The following HS3ST2 variants were observed in gnomAD, a reference collection of about 807,000 sequenced individuals.
The protein encoded by HS3ST2 is heparan sulfate glucosamine 3-O-sulfotransferase 2.
HS3ST2 carries 17 observed loss-of-function variants against 26.3 expected under a neutral mutation model. That is an observed-to-expected ratio of 0.65 (90% CI 0.44 to 0.97). HS3ST2 has a LOEUF of 0.97. Ranked by LOEUF, HS3ST2 falls within the 50% of genes least tolerant of loss-of-function variation. HS3ST2 has a pLI of 0.00. For missense variants in HS3ST2, 402 were observed against 501.2 expected (o/e 0.80, Z 1.89); for synonymous variants, 237 against 219.2 (o/e 1.08, Z -0.72).
intron 1 of HS3ST2, among the ~76,000 whole-genome samples, chr16:22,825,728 C>G (rs1901074650): frequency 6.6e-6 from 1 of 152,096 alleles, no homozygotes; most frequent in African/African-American, 2.4e-5. Context: ...AGTCGAATCA[C>G]AAAATAAAGT....
intron 1 of HS3ST2, among the ~76,000 whole-genome samples, chr16:22,855,403 G>C (rs1167799963): frequency 6.6e-6 from 1 of 152,152 alleles, no homozygotes; most frequent in Non-Finnish European, 1.5e-5. Flanking sequence ...ATTTGACAAG[G>C]TCACCATGGC....
intron 1 of HS3ST2, among the ~76,000 whole-genome samples, chr16:22,882,218 C>T (rs1901998128): frequency 6.6e-6 from 1 of 152,004 alleles, no homozygotes; most frequent in Non-Finnish European, 1.5e-5. Flanking sequence ...AAAAATTGGC[C>T]AGGCATGGCG....
intron 1 of HS3ST2, among the ~76,000 whole-genome samples, chr16:22,877,035 G>T (rs1215616632): frequency 6.6e-6 from 1 of 152,198 alleles, no homozygotes; most frequent in East Asian, 1.9e-4. Context: ...AGTGTACACT[G>T]CTTGGGTGAC....
intron 1 of HS3ST2, among the ~76,000 whole-genome samples, chr16:22,865,970 T>C (rs1005589440): frequency 6.6e-6 from 1 of 152,170 alleles, no homozygotes; most frequent in Non-Finnish European, 1.5e-5. Flanking sequence ...TAGGCATTGA[T>C]GGAAGTCAAT....
At chr16:22,892,840 T>C (rs1312212391) in intron 1 of HS3ST2, among the ~76,000 whole-genome samples, 1 of 152,214 alleles carries the variant, frequency 6.6e-6, no homozygotes, top group Non-Finnish European at 1.5e-5. Flanking sequence ...ATGCGTTGGC[T>C]CTTTTCATTA....
At chr16:22,852,608 C>T (rs996869717) in intron 1 of HS3ST2, among the ~76,000 whole-genome samples, 1 of 152,146 alleles carries the variant, frequency 6.6e-6, no homozygotes, top group Non-Finnish European at 1.5e-5. Context: ...CTTTTGAAGC[C>T]CTTAATGACT....
intron 1 of HS3ST2, among the ~76,000 whole-genome samples, chr16:22,869,491 A>G (rs1901802094): frequency 6.6e-6 from 1 of 152,182 alleles, no homozygotes; most frequent in Non-Finnish European, 1.5e-5. Flanking sequence ...GTAATTTACA[A>G]ACGAAAGAGG....
chr16:22,844,410 G>C (rs527816299), intron 1 of HS3ST2, among the ~76,000 whole-genome samples: 1 of 152,162 alleles, frequency 6.6e-6, no homozygotes, highest in African/African-American at 2.4e-5. Flanking sequence ...CCTTCCCCAG[G>C]GTGGCAACCT....
chr16:22,844,096 G>A (rs1160792848), intron 1 of HS3ST2, among the ~76,000 whole-genome samples: 1 of 151,950 alleles, frequency 6.6e-6, no homozygotes, highest in Non-Finnish European at 1.5e-5. Flanking sequence ...GATGAATCAT[G>A]TCCTGGCATG....
At chr16:22,829,377 A>G (rs1901136485) in intron 1 of HS3ST2, among the ~76,000 whole-genome samples, 1 of 152,218 alleles carries the variant, frequency 6.6e-6, no homozygotes, top group Non-Finnish European at 1.5e-5. Flanking sequence ...ATTTGGTCCC[A>G]TTTAGGTAGG....
chr16:22,828,161 G>A lies in HS3ST2; in HGVS notation c.485+13066G>A, dbSNP rs542280897. Among the ~76,000 whole-genome samples, 14 of 152,244 alleles carry A rather than the reference G, an allele frequency of 9.2e-5. No individual in the cohort carries two copies. In the East Asian group the frequency reaches 1.3e-3, roughly 15 times the overall value. ...AACTAACCAAAGAAAAGAACATTAC[G>A]TTCTACTGTAGCTTGGAGTCTTCAC... On this transcript the variant is annotated intron_variant, in intron 1 of 1. Transcript: ENST00000261374.
At chr16:22,903,343 C>A (rs917433375) in intron 1 of HS3ST2, among the ~76,000 whole-genome samples, 3 of 152,294 alleles carry the variant, frequency 2.0e-5, no homozygotes, top group Middle Eastern at 3.4e-3. Context: ...CAGCAAGTGG[C>A]CCACAGTCAC....
intron 1 of HS3ST2, among the ~76,000 whole-genome samples, chr16:22,842,435 A>C (rs1276837767): frequency 6.6e-6 from 1 of 152,176 alleles, no homozygotes; most frequent in Admixed American, 6.5e-5. Context: ...TCAAGAATAC[A>C]ATGTATTGTT....
At chr16:22,832,169 T>TTTTTTTTTTTA (rs1901180021) in intron 1 of HS3ST2, among the ~76,000 whole-genome samples, 3 of 147,708 alleles carry the variant, frequency 2.0e-5, no homozygotes, top group African/African-American at 2.5e-5. Context: ...TTTTTTTTTT[T>TTTTTTTTTTTA]AATTTTTAGT....
intron 1 of HS3ST2, among the ~76,000 whole-genome samples, chr16:22,874,123 G>A (rs1901876873): frequency 6.6e-6 from 1 of 152,174 alleles, no homozygotes; most frequent in South Asian, 2.1e-4. Flanking sequence ...GGTTAATACA[G>A]GAAGGGGACT....
At chr16:22,850,616 G>A (rs1420946625) in intron 1 of HS3ST2, among the ~76,000 whole-genome samples, 9 of 152,058 alleles carry the variant, frequency 5.9e-5, no homozygotes, top group East Asian at 1.9e-4. Flanking sequence ...GTGAAACCCC[G>A]TCTCTACTAA....
intron 1 of HS3ST2, among the ~76,000 whole-genome samples, chr16:22,888,553 A>AT (rs1357608245): frequency 1.3e-5 from 2 of 151,448 alleles, no homozygotes; most frequent in African/African-American, 4.9e-5. Flanking sequence ...CACCTGGTTA[A>AT]TTTTTTGTAT....
chr16:22,899,094 G>A (rs913068760), intron 1 of HS3ST2, among the ~76,000 whole-genome samples: 1 of 152,208 alleles, frequency 6.6e-6, no homozygotes, highest in African/African-American at 2.4e-5. Context: ...GAAGTGTGAA[G>A]TTGTAAAGCT....
At position 22,891,365 on chromosome 16, in the gene HS3ST2, C is replaced by T. The variant is rs547394085; in HGVS notation, c.486-23579C>T. 5.9e-5 allele frequency among the ~76,000 whole-genome samples: 9 copies of T among 152,202 alleles called. No homozygotes were observed. In the South Asian group the frequency reaches 1.9e-3, roughly 32 times the overall value. ...CTGCAGAGTGAGTTTTATTTTATCC[C>T]CTTTAATGGGGAAGCTGAGGCTCAG... On this transcript the variant is annotated intron_variant, in intron 1 of 1. Transcript: ENST00000261374.
Sources: gnomAD v4.1 joint callset for allele counts (sites outside exome capture counted in the v4.1 genomes callset) on GRCh38, gnomAD v4.1.1 for gene constraint, MANE v1.5 for transcripts, NCBI Gene and HGNC (gene_info 2026-07-23, HGNC 2026-07-21) for gene names.